DGKG: variants seen among roughly 807,000 people sequenced by gnomAD.
The protein encoded by DGKG is diacylglycerol kinase gamma.
Under a neutral mutation model 105.3 loss-of-function variants are expected in DGKG, and 78 were observed. The ratio of observed to expected loss-of-function variants is 0.74; its 90% CI spans 0.62 to 0.89. The LOEUF (loss-of-function observed/expected upper bound fraction) is 0.89. DGKG is among the 40% of genes least tolerant of loss of function. The probability of loss-of-function intolerance (pLI) is 0.00; values close to 1 mark genes in which losing one functional copy is unlikely to be tolerated. For missense variants in DGKG, 958 were observed against 1,020.1 expected (o/e 0.94, Z 0.83); for synonymous variants, 346 against 367.1 (o/e 0.94, Z 0.66).
chr3:186,201,587 C>T (rs1242139152), intron 21 of DGKG, among the ~76,000 whole-genome samples: 1 of 152,190 alleles, frequency 6.6e-6, no homozygotes, highest in Non-Finnish European at 1.5e-5. Context: ...GCGTGGGAGG[C>T]CTTCTCACTC....
chr3:186,220,434 T>A (rs1578682964), intron 20 of DGKG, among the ~76,000 whole-genome samples: 1 of 152,276 alleles, frequency 6.6e-6, no homozygotes, highest in Middle Eastern at 3.4e-3. Context: ...GGAGCTGGAA[T>A]ACAAACCCCG....
intron 24 of DGKG, among the ~76,000 whole-genome samples, chr3:186,150,953 A>C (rs1013109531): frequency 2.6e-5 from 4 of 152,206 alleles, no homozygotes; most frequent in Non-Finnish European, 4.4e-5. Flanking sequence ...AATAATCTAC[A>C]TTATCCATCC....
At chr3:186,256,710 T>C (rs1006292231) in intron 17 of DGKG, among the ~76,000 whole-genome samples, 6 of 152,226 alleles carry the variant, frequency 3.9e-5, no homozygotes, top group Non-Finnish European at 5.9e-5. Flanking sequence ...CCACTCTGCT[T>C]TGACCATGCT....
chr3:186,269,738 G>C (rs1722228465), intron 11 of DGKG, among the ~76,000 whole-genome samples: 1 of 152,210 alleles, frequency 6.6e-6, no homozygotes, highest in Non-Finnish European at 1.5e-5. Flanking sequence ...AAGTTAGTGA[G>C]GGTCCATTGG....
Position 186,147,602 on chromosome 3 carries a change from T to C in DGKG, c.*2488A>G. ...CTAAGAAGGACTTGGGATATGTCTC[T>C]CAAGCAACATTGCAAGTCCTGTGCA... On this transcript the variant is annotated 3_prime_UTR_variant, in exon 25 of 25. Transcript: ENST00000265022. 3.0e-6 allele frequency: 3 copies of C among 985,462 alleles called. No homozygotes were observed. Among genetic ancestry groups the C allele is most frequent in the Non-Finnish European group, 3.6e-6 (3 of 829,924 alleles). The allele number at this position is 985,462 out of a possible 1,614,324, so 61.0% of individuals were successfully genotyped here. A position where few individuals can be genotyped will look rare whatever the true frequency, so the allele number is the denominator to read the frequency against.
intron 22 of DGKG, among the ~76,000 whole-genome samples, chr3:186,180,454 C>T (rs1717307076): frequency 1.3e-5 from 2 of 152,168 alleles, no homozygotes; most frequent in African/African-American, 4.8e-5. Flanking sequence ...ACCCATAGTA[C>T]TTCTGGGGCT....
At chr3:186,289,019 G>A in intron 5 of DGKG, 139 bp from the exon 6 acceptor site, 2 of 764,844 alleles carry the variant, frequency 2.6e-6, no homozygotes, top group Non-Finnish European at 4.1e-6. Flanking sequence ...ACATAGATGT[G>A]ACCAAATTAG....
At chr3:186,178,747 G>A (rs925687917) in intron 22 of DGKG, among the ~76,000 whole-genome samples, 4 of 152,154 alleles carry the variant, frequency 2.6e-5, no homozygotes, top group Admixed American at 2.0e-4. Flanking sequence ...TGCTTCACTT[G>A]AATTTCCAGT....
intron 2 of DGKG, among the ~76,000 whole-genome samples, chr3:186,307,782 G>C (rs781288259): frequency 1.3e-5 from 2 of 151,796 alleles, no homozygotes; most frequent in Non-Finnish European, 2.9e-5. Flanking sequence ...GGATGAGTGG[G>C]CATTAAACCC....
chr3:186,325,815 ACT>A (rs1277056784), intron 1 of DGKG, among the ~76,000 whole-genome samples: 2 of 151,782 alleles, frequency 1.3e-5, no homozygotes, highest in Non-Finnish European at 2.9e-5. Context: ...GCTATCTTCG[ACT>A]CTCAGATTAT....
At chr3:186,274,804 T>C (rs1413487961) in intron 10 of DGKG, among the ~76,000 whole-genome samples, 1 of 152,178 alleles carries the variant, frequency 6.6e-6, no homozygotes, top group Non-Finnish European at 1.5e-5. Flanking sequence ...ACATTTGGGT[T>C]GGTTCTAAGT....
At chr3:186,360,936 G>A (rs1727196930) in intron 1 of DGKG, among the ~76,000 whole-genome samples, 1 of 152,224 alleles carries the variant, frequency 6.6e-6, no homozygotes, top group Non-Finnish European at 1.5e-5. Context: ...TGCTAATGAA[G>A]TCCGAGGAGG....
At chr3:186,352,480 C>G (rs77835091) in intron 1 of DGKG, among the ~76,000 whole-genome samples, 2,955 of 152,244 alleles carry the variant, frequency 0.019, 99 homozygotes, top group African/African-American at 0.068. Flanking sequence ...GGCCTCCAGC[C>G]ACGGAGCTCA....
At chr3:186,213,713 T>C (rs1275106444) in intron 20 of DGKG, among the ~76,000 whole-genome samples, 1 of 152,194 alleles carries the variant, frequency 6.6e-6, no homozygotes, top group Non-Finnish European at 1.5e-5. Flanking sequence ...AGAGATTCTA[T>C]GAGAGAGTTG....
chr3:186,279,733 G>A (rs1722744342), intron 9 of DGKG, 118 bp downstream of exon 9: 5 of 1,207,930 alleles, frequency 4.1e-6, no homozygotes, highest in Non-Finnish European at 5.8e-6. Flanking sequence ...TTTGGGGCTG[G>A]TCATGGCACG....
intron 3 of DGKG, among the ~76,000 whole-genome samples, chr3:186,299,836 TC>T (rs1311782242): frequency 3.7e-4 from 43 of 115,688 alleles, no homozygotes; most frequent in African/African-American, 1.3e-3. Context: ...TTTCTTTCTT[TC>T]TTTTTTTTTT....
intron 1 of DGKG, among the ~76,000 whole-genome samples, chr3:186,354,987 C>T (rs1726839191): frequency 6.6e-6 from 1 of 152,010 alleles, no homozygotes; most frequent in Admixed American, 6.5e-5. Context: ...TTAGATCTGC[C>T]CCAAATTAAT....
chr3:186,246,601 T>C (rs1720953332), intron 19 of DGKG, among the ~76,000 whole-genome samples: 2 of 152,238 alleles, frequency 1.3e-5, no homozygotes, highest in African/African-American at 4.8e-5. Flanking sequence ...GATTGGGGAA[T>C]GGAAAAGGGT....
At chr3:186,281,731 C>T (rs1232959653) in intron 7 of DGKG, among the ~76,000 whole-genome samples, 1 of 152,028 alleles carries the variant, frequency 6.6e-6, no homozygotes, top group African/African-American at 2.4e-5. Context: ...GCAGAAGTTC[C>T]AAAAGAAAAG....
Sources: allele counts gnomAD v4.1 joint callset (sites outside exome capture counted in the v4.1 genomes callset), GRCh38; gene constraint gnomAD v4.1.1; transcripts MANE v1.5; gene names NCBI Gene and HGNC (gene_info 2026-07-23, HGNC 2026-07-21).